The following DOP1B variants were observed in gnomAD, a reference collection of about 807,000 sequenced individuals.
DOP1B encodes the protein protein DOP1B.
Under a neutral mutation model 233.5 loss-of-function variants are expected in DOP1B, and 174 were observed. The ratio of observed to expected loss-of-function variants is 0.75; its 90% confidence interval spans 0.66 to 0.85. DOP1B has a LOEUF of 0.85. Among genes scored for constraint, DOP1B ranks in the 40% least tolerant of loss-of-function variants. The probability of loss-of-function intolerance (pLI) is 0.00; values close to 1 mark genes in which losing one functional copy is unlikely to be tolerated. For synonymous variants in DOP1B, 1,190 were observed against 1,185.6 expected (o/e 1.00, Z -0.08); for missense variants, 2,652 against 2,846.6 (o/e 0.93, Z 1.56).
At chr21:36,267,862 AGG>A (rs1449158989) in intron 26 of DOP1B, among the ~76,000 whole-genome samples, 2 of 152,044 alleles carry the variant, frequency 1.3e-5, no homozygotes, top group African/African-American at 4.8e-5. Context: ...GGGTTTCAAA[AGG>A]GGAGGGGGTG....
rs774266554 is a variant in DOP1B, at chr21:36,230,759, C to T, written c.1975C>T (p.Pro659Ser). The change falls in exon 14 of 37, where the codon CCT becomes TCT. Residue 659 changes from proline to serine, a missense_variant. By Grantham distance (74) the Pro-to-Ser change is moderately conservative. Coordinates refer to ENST00000691173, the MANE Select transcript of DOP1B (RefSeq NM_001320714.2). ...ASGEESKSEE[P>S]AGKRDRDGTQ... Reference sequence around the variant, plus strand: ...AGGAGAAGAAAGCAAGTCCGAGGAGCCTGCAGGGAAGAGGGACAGGGATGG... The same window carrying T: ...AGGAGAAGAAAGCAAGTCCGAGGAGTCTGCAGGGAAGAGGGACAGGGATGG... 1.9e-6 allele frequency: 3 copies of T among 1,614,012 alleles called. No individual in the cohort carries two copies. Among genetic ancestry groups the T allele is most frequent in the African/African-American group, 1.3e-5 (1 of 74,912 alleles).
chr21:36,242,446 A>T (rs2066903398), intron 18 of DOP1B, among the ~76,000 whole-genome samples: 1 of 152,032 alleles, frequency 6.6e-6, no homozygotes, highest in African/African-American at 2.4e-5. Flanking sequence ...AAGCGCTGGG[A>T]TTACAGGTGT....
rs529546334 is a variant in DOP1B, at chr21:36,219,228, G to A, written c.1130-144G>A. On this transcript the variant is annotated intron_variant, in intron 9 of 36. Transcript: ENST00000691173. ...CCCAGCTAAAGTTGTCACCAGTAAA[G>A]TTAAGTTTCTGTATATTTTAGACTA... 1.4e-5 allele frequency: 16 copies of A among 1,136,836 alleles called. No individual in the cohort carries two copies. The South Asian group carries it at 2.8e-4, about 20-fold the overall frequency. The allele number at this position is 1,136,836 out of a possible 1,614,324, so 70.4% of individuals were successfully genotyped here.
At position 36,255,102 on chromosome 21, in the gene DOP1B, A is replaced by G. The variant is rs207477870; in HGVS notation, c.5259+1193A>G. ...GTAGCTGGGAGTACAGGTGCATGCT[A>G]TCACTCCTGGCTAACTTTTGGTTTT... is the stretch of plus-strand genomic sequence containing the variant. On this transcript the variant is annotated intron_variant, in intron 23 of 36. Transcript: ENST00000691173. Among the ~76,000 whole-genome samples the G allele has an allele frequency of 8.0e-5, 12 of 150,812 alleles. No individual in the cohort carries two copies. In the South Asian group the frequency reaches 1.7e-3, roughly 21 times the overall value.
At chr21:36,211,693 C>T (rs2066500327) in intron 6 of DOP1B, 42 bp downstream of exon 6, 2 of 1,588,804 alleles carry the variant, frequency 1.3e-6, no homozygotes, top group Non-Finnish European at 1.7e-6. Flanking sequence ...TGGTGTTTCC[C>T]AAGGGGTGGG....
chr21:36,278,395 T>G, intron 30 of DOP1B, 40 bp downstream of exon 30: 1 of 1,573,970 alleles, frequency 6.4e-7, no homozygotes, highest in Non-Finnish European at 8.6e-7. Flanking sequence ...CTCTGAATCT[T>G]CAGGTGGAAA....
chr21:36,283,936 C>CTTTTTTTTTT (rs547999186), intron 32 of DOP1B, among the ~76,000 whole-genome samples: 3 of 100,992 alleles, frequency 3.0e-5, no homozygotes, highest in African/African-American at 4.0e-5. Context: ...ACACCTGTTC[C>CTTTTTTTTTT]TTTTTTTTTT....
At chr21:36,224,583 C>G (rs2066661195) in intron 11 of DOP1B, among the ~76,000 whole-genome samples, 1 of 151,818 alleles carries the variant, frequency 6.6e-6, no homozygotes, top group African/African-American at 2.4e-5. Context: ...CAGAGTTAAT[C>G]CCTGTCCTGA....
chr21:36,199,067 C>CA lies in DOP1B; in HGVS notation c.139-2dup. The CA allele has an allele frequency of 6.2e-7, 1 of 1,602,508 alleles. No homozygotes were observed. Among genetic ancestry groups the CA allele is most frequent in the African/African-American group, 1.3e-5 (1 of 74,208 alleles). On this transcript the variant is annotated splice_region_variant and splice_polypyrimidine_tract_variant and intron_variant, in intron 2 of 36. Transcript: ENST00000691173. ...CATGTGTTTTTTTTGTCTTGTTTGACAGGCTCTTCAGAGTAACCTGAGGTA... is the reference window on the plus strand; with the variant it reads ...CATGTGTTTTTTTTGTCTTGTTTGACAAGGCTCTTCAGAGTAACCTGAGGTA...
intron 2 of DOP1B, among the ~76,000 whole-genome samples, chr21:36,189,027 A>G (rs1349855157): frequency 1.3e-5 from 2 of 152,130 alleles, no homozygotes; most frequent in African/African-American, 4.8e-5. Context: ...AAGCATATTA[A>G]CTTGTGTCCA....
intron 17 of DOP1B, among the ~76,000 whole-genome samples, chr21:36,239,434 G>A (rs2066866280): frequency 6.6e-6 from 1 of 152,114 alleles, no homozygotes; most frequent in East Asian, 1.9e-4. Context: ...TGTTTTTCCC[G>A]AGTGCCTCTG....
At chr21:36,214,003 G>C in intron 7 of DOP1B, 78 bp from the exon 8 acceptor site, 2 of 1,157,044 alleles carry the variant, frequency 1.7e-6, no homozygotes. Context: ...AAAAATATTG[G>C]AGCATGAGAC....
At chr21:36,195,310 C>T (rs568995636) in intron 2 of DOP1B, among the ~76,000 whole-genome samples, 2 of 142,476 alleles carry the variant, frequency 1.4e-5, no homozygotes, top group South Asian at 4.4e-4. Flanking sequence ...CACTGCACTC[C>T]AGCCTTGGTG....
Position 36,159,534 on chromosome 21 carries a change from C to T in DOP1B, c.-27+2591C>T, listed in dbSNP as rs572943404. ...AGAAGACTTGCTTGGTAGCATACCA[C>T]GTGCCCCATATTTCGAAATAAAGGA... On this transcript the variant is annotated intron_variant, in intron 1 of 36. Coordinates refer to ENST00000691173, the MANE Select transcript of DOP1B (RefSeq NM_001320714.2). Among the ~76,000 whole-genome samples the T allele has an allele frequency of 6.0e-4, 92 of 152,316 alleles. 1 individual carries two copies. Among genetic ancestry groups the T allele is most frequent in the Non-Finnish European group, 1.1e-3 (75 of 68,034 alleles).
At chr21:36,259,260 C>T (rs532450977) in intron 23 of DOP1B, among the ~76,000 whole-genome samples, 8 of 135,036 alleles carry the variant, frequency 5.9e-5, no homozygotes, top group Non-Finnish European at 7.8e-5. Flanking sequence ...CCACTGCGCC[C>T]GGGCTTTTTT....
intron 24 of DOP1B, chr21:36,261,039 A>C (rs2067164090): frequency 9.0e-7 from 1 of 1,108,080 alleles, no homozygotes; most frequent in African/African-American, 1.6e-5. Context: ...AAAAAACCAC[A>C]TATAGGGAAG....
At chr21:36,269,902 A>G (rs2067267908) in intron 26 of DOP1B, 111 bp from the exon 27 acceptor site, 2 of 1,122,528 alleles carry the variant, frequency 1.8e-6, no homozygotes, top group Non-Finnish European at 2.6e-6. Flanking sequence ...TGGTACGTAT[A>G]TGCTCACAGC....
At chr21:36,182,296 T>C (rs1261642716) in intron 2 of DOP1B, among the ~76,000 whole-genome samples, 1 of 152,096 alleles carries the variant, frequency 6.6e-6, no homozygotes, top group Non-Finnish European at 1.5e-5. Flanking sequence ...CCAGTTATAT[T>C]TGGGGATCAG....
Position 36,247,617 on chromosome 21 carries a change from C to T in DOP1B, c.4798C>T (p.Gln1600Ter). 8.3e-6 allele frequency: 13 copies of T among 1,573,964 alleles called. No homozygotes were observed. The highest frequency in any genetic ancestry group is 2.3e-5 in the East Asian group (1 of 43,948). ...TTTTTGTCTTTTGGAACAAGCCAAC[C>T]AAAACAAAAAGGTAAATTTTTTTTT... ...SHFCLLEQAN[Q>*]NKKTMAAGDP... The change falls in exon 20 of 37, where the codon CAA becomes TAA. Residue 1600 changes from glutamine (Q) to a stop codon, truncating the protein, a stop_gained. Transcript: ENST00000691173. LOFTEE classifies it high-confidence loss of function.
Sources: allele counts gnomAD v4.1 joint callset (sites outside exome capture counted in the v4.1 genomes callset), GRCh38; gene constraint gnomAD v4.1.1; transcripts MANE v1.5; gene names NCBI Gene and HGNC (gene_info 2026-07-23, HGNC 2026-07-21).